The following NIN variants were observed in gnomAD, a reference collection of about 807,000 sequenced individuals.
NIN encodes glycogen synthase kinase 3 beta-interacting protein.
A neutral mutation model predicts 257.6 loss-of-function variants in NIN; 137 were observed. The ratio of observed to expected loss-of-function variants is 0.53; its 90% CI spans 0.46 to 0.61. The LOEUF is 0.61. NIN is among the 20% of genes least tolerant of loss of function. The pLI is 0.00. For synonymous variants in NIN, 918 were observed against 919.8 expected (o/e 1.00, Z 0.04); for missense variants, 2,439 against 2,501.2 (o/e 0.98, Z 0.53).
Position 50,741,644 on chromosome 14 carries a change from T to C in NIN, c.5386A>G (p.Lys1796Glu). 2 of 1,614,178 alleles carry C rather than the reference T, an allele frequency of 1.2e-6. No individual in the cohort carries two copies. The highest frequency in any genetic ancestry group is 1.7e-6 in the Non-Finnish European group (2 of 1,180,008). ...ATCACTTCTTGTTTTAAAGCCTCCT[T>C]TTCCTGCTGAGTCACTCGTAGGTCA... ...KSDLRVTQQEKEALKQEVMSL... is the reference protein window; with the variant it reads ...KSDLRVTQQEEEALKQEVMSL... Residue 1796 changes from lysine to glutamate, a missense_variant, in exon 25 of 31, where the codon AAG (lysine) becomes GAG (glutamate). Around this residue, in one of 3 missense-constraint regions of NIN, gnomAD observed 2,043 missense variants for 2,050.2 expected, o/e 1.00. Coordinates refer to ENST00000530997, the MANE Select transcript of NIN (RefSeq NM_020921.4).
intron 5 of NIN, among the ~76,000 whole-genome samples, chr14:50,786,272 A>C (rs1230306653): frequency 6.6e-6 from 1 of 152,164 alleles, no homozygotes; most frequent in Non-Finnish European, 1.5e-5. Flanking sequence ...CTGTTGGAAA[A>C]TATTTAATGA....
Position 50,744,353 on chromosome 14 carries a change from G to C in NIN, c.5077C>G (p.Pro1693Ala), listed in dbSNP as rs779306865. 19 of 1,613,798 alleles carry C rather than the reference G, an allele frequency of 1.2e-5. No individual in the cohort carries two copies. In the South Asian group the frequency reaches 1.8e-4, roughly 15 times the overall value. The stretch of plus-strand genomic sequence containing the variant: ...TTTTGCTGGAAGTCAGAGAGATCGG[G>C]ACATCTGTGCAGCTGTAAGAGATAA... Reference protein sequence around the residue: ...LEKMKQLHRCPDLSDFQQKIS... With the variant: ...LEKMKQLHRCADLSDFQQKIS... The change falls in exon 23 of 31, where the codon CCC becomes GCC. Residue 1693 changes from proline to alanine, a missense_variant. This residue lies in a region of NIN where 2,043 missense variants were observed against 2,050.2 expected (regional missense o/e 1.00). Coordinates refer to ENST00000530997, the MANE Select transcript of NIN (RefSeq NM_020921.4).
At position 50,831,145 on chromosome 14, in the gene NIN, C is replaced by G. The variant is rs2045688273; in HGVS notation, c.-215G>C. ...GGCCGCGGCCACCCGGAGCTCTGGACGCCGGGGAGGAAGGGCCGGGCCCGC... is the reference window on the plus strand; with the variant it reads ...GGCCGCGGCCACCCGGAGCTCTGGAGGCCGGGGAGGAAGGGCCGGGCCCGC... On this transcript the variant is annotated 5_prime_UTR_variant, in exon 1 of 31. Coordinates refer to ENST00000530997, the MANE Select transcript of NIN (RefSeq NM_020921.4). The G allele has an allele frequency of 1.3e-5, 2 of 150,292 alleles. No individual in the cohort carries two copies. The highest frequency in any genetic ancestry group is 4.1e-4 in the South Asian group (2 of 4,830). 9.3% of individuals were successfully genotyped at this position (150,292 alleles called of 1,614,324 possible).
chr14:50,741,610 T>C lies in NIN; in HGVS notation c.5420A>G (p.His1807Arg), dbSNP rs756783667. 1.2e-6 allele frequency: 2 copies of C among 1,614,128 alleles called. No homozygotes were observed. The highest frequency in any genetic ancestry group is 1.7e-5 in the Admixed American group (1 of 59,998). The change falls in exon 25 of 31, where the codon CAT becomes CGT. Residue 1807 changes from histidine (H) to arginine (R), a missense_variant. Coordinates refer to ENST00000530997, the MANE Select transcript of NIN (RefSeq NM_020921.4). ...EALKQEVMSLHKQLQNAGGKS... is the reference protein window; with the variant it reads ...EALKQEVMSLRKQLQNAGGKS... ...GCCACCAGCATTCTGAAGTTGCTTA[T>C]GTAAAGACATCACTTCTTGTTTTAA... is the stretch of plus-strand genomic sequence containing the variant.
At chr14:50,735,353 G>A (rs2040923956) in intron 28 of NIN, among the ~76,000 whole-genome samples, 163 bp downstream of exon 28, 1 of 152,202 alleles carries the variant, frequency 6.6e-6, no homozygotes, top group African/African-American at 2.4e-5. Flanking sequence ...ATGAAGCAAA[G>A]TTGTCTGTTA....
chr14:50,778,051 G>C (rs559971467), intron 6 of NIN, among the ~76,000 whole-genome samples: 4 of 152,178 alleles, frequency 2.6e-5, no homozygotes, highest in Non-Finnish European at 5.9e-5. Flanking sequence ...GCTGTGAAGT[G>C]GGCTGAGGTT....
At chr14:50,766,034 A>G (rs1403995315) in intron 14 of NIN, among the ~76,000 whole-genome samples, 14 of 122,004 alleles carry the variant, frequency 1.1e-4, no homozygotes, top group African/African-American at 3.7e-4. Context: ...AGAGTGTAAT[A>G]TTCCCCTTCC....
In NIN at chr14:50,729,622, C is replaced by T; in HGVS notation, c.5979G>A (p.Gln1993=). 1 of 1,614,100 alleles carries T rather than the reference C, an allele frequency of 6.2e-7. No homozygotes were observed. The highest frequency in any genetic ancestry group is 8.5e-7 in the Non-Finnish European group (1 of 1,179,998). Residue 1993 remains glutamine, a synonymous_variant, in exon 29 of 31, where the codon CAG becomes CAA. Coordinates refer to ENST00000530997, the MANE Select transcript of NIN (RefSeq NM_020921.4). ...GCAGCTGGCGTTGAAGCTGCAGAAA[C>T]TGCTCCCTGGGCACCATCGGACAGG... ...QQACPMVPRE[Q]FLQLQRQLLQ...
chr14:50,729,312 A>G (rs189924727), intron 29 of NIN, among the ~76,000 whole-genome samples: 17 of 151,610 alleles, frequency 1.1e-4, no homozygotes, highest in African/African-American at 3.6e-4. Flanking sequence ...AGGCTGGAGT[A>G]CAGTGGCTAT....
rs116364221 is a variant in NIN, at chr14:50,747,482, C to A, written c.5064+510G>T. Among the ~76,000 whole-genome samples, 1,221 of 152,126 alleles carry A rather than the reference C, an allele frequency of 8.0e-3. 18 individuals are homozygous for A. The highest frequency in any genetic ancestry group is 0.027 in the African/African-American group (1,135 of 41,506). On this transcript the variant is annotated intron_variant, in intron 22 of 30. Transcript: ENST00000530997. ...GATGCAGTGGCCCGCGCCTGTAATC[C>A]CAGCACTTTAGGGGGCTGACGTGGG...
intron 3 of NIN, among the ~76,000 whole-genome samples, chr14:50,812,370 T>C (rs2044672405): frequency 6.6e-6 from 1 of 152,218 alleles, no homozygotes; most frequent in Non-Finnish European, 1.5e-5. Flanking sequence ...CCTCTTGGTC[T>C]GACCCCTCAG....
intron 7 of NIN, among the ~76,000 whole-genome samples, chr14:50,773,738 AC>A (rs1380132319): frequency 6.6e-6 from 1 of 152,232 alleles, no homozygotes; most frequent in Non-Finnish European, 1.5e-5. Context: ...GGGTTCCAAG[AC>A]ATGTAAAGGC....
intron 28 of NIN, among the ~76,000 whole-genome samples, chr14:50,732,281 T>C (rs1388419653): frequency 1.3e-5 from 2 of 152,162 alleles, no homozygotes; most frequent in Non-Finnish European, 1.5e-5. Context: ...GATTCTGATA[T>C]AGAAACCTGT....
At chr14:50,782,078 C>T (rs2141920709) in intron 5 of NIN, among the ~76,000 whole-genome samples, 1 of 151,052 alleles carries the variant, frequency 6.6e-6, no homozygotes, top group East Asian at 1.9e-4. Flanking sequence ...AGGATTAAAA[C>T]CAAGAAGTCA....
chr14:50,823,007 T>C (rs112182974), intron 2 of NIN, among the ~76,000 whole-genome samples: 27 of 152,300 alleles, frequency 1.8e-4, no homozygotes, highest in African/African-American at 6.3e-4. Flanking sequence ...GTGTTCCGTC[T>C]CTCTCACCTA....
chr14:50,728,898 T>A (rs773517270), intron 29 of NIN, among the ~76,000 whole-genome samples: 20 of 152,360 alleles, frequency 1.3e-4, no homozygotes, highest in Admixed American at 2.0e-4. Context: ...TAGAAAGATG[T>A]CACTGACTAT....
At chr14:50,739,198 G>A in intron 26 of NIN, 110 bp downstream of exon 26, 1 of 908,158 alleles carries the variant, frequency 1.1e-6, no homozygotes, top group Non-Finnish European at 1.7e-6. Context: ...TGCTATAGCA[G>A]GATACTCAAA....
Position 50,806,727 on chromosome 14 carries a change from G to C in NIN, c.265+10C>G, listed in dbSNP as rs1235049303. The C allele has an allele frequency of 6.6e-7, 1 of 1,506,458 alleles. No individual in the cohort carries two copies. The allele number at this position is 1,506,458 out of a possible 1,614,324, so 93.3% of individuals were successfully genotyped here. On this transcript the variant is annotated intron_variant, in intron 4 of 30. Transcript: ENST00000530997. ...AGGGGAAGGCAGAGAAGAGAAGTGA[G>C]TGACCTTACCTGGTTCTTGAAAGTG... is the stretch of plus-strand genomic sequence containing the variant.
At chr14:50,784,871 A>T (rs1595865480) in intron 5 of NIN, among the ~76,000 whole-genome samples, 1 of 152,208 alleles carries the variant, frequency 6.6e-6, no homozygotes, top group East Asian at 1.9e-4. Flanking sequence ...AGTGTCCCCT[A>T]GGCAGCCACG....
Sources: gnomAD v4.1 joint callset for allele counts (sites outside exome capture counted in the v4.1 genomes callset) on GRCh38, gnomAD v4.1.1 for gene constraint, gnomAD v4.1.1 regional missense constraint, MANE v1.5 for transcripts, NCBI Gene and HGNC (gene_info 2026-07-23, HGNC 2026-07-21) for gene names.